The following GABRA1 variants were observed in gnomAD, a reference collection of about 807,000 sequenced individuals.
GABRA1 encodes gamma-aminobutyric acid type A receptor subunit alpha1.
Under a neutral mutation model 48.9 loss-of-function variants are expected in GABRA1, and 9 were observed. That is an observed-to-expected ratio of 0.18 (90% CI 0.11 to 0.32). The LOEUF is 0.32. GABRA1 is among the 10% of genes least tolerant of loss of function. The pLI is 1.00. For synonymous variants in GABRA1, 210 were observed against 198.7 expected, an observed-to-expected ratio of 1.06 and a Z score of -0.48; for missense variants, 285 against 553.8, an observed-to-expected ratio of 0.51 and a Z score of 4.87.
chr5:161,895,545 G>T, intron 8 of GABRA1, 121 bp from the exon 9 acceptor site: 2 of 897,140 alleles, frequency 2.2e-6, no homozygotes, highest in Non-Finnish European at 3.6e-6. Flanking sequence ...AAATAAGATG[G>T]TCTAGAAACC....
chr5:161,864,314 T>C (rs561949360), intron 3 of GABRA1, among the ~76,000 whole-genome samples: 1 of 152,086 alleles, frequency 6.6e-6, no homozygotes, highest in Non-Finnish European at 1.5e-5. Context: ...TAACTCATCA[T>C]CTAGCATTAG....
chr5:161,876,160 T>G (rs556855061), intron 6 of GABRA1, among the ~76,000 whole-genome samples: 11 of 150,478 alleles, frequency 7.3e-5, no homozygotes, highest in African/African-American at 2.7e-4. Context: ...TTAGCTGATA[T>G]GTGTGTGTAT....
At chr5:161,859,213 A>G (rs1197253010) in intron 3 of GABRA1, among the ~76,000 whole-genome samples, 1 of 151,774 alleles carries the variant, frequency 6.6e-6, no homozygotes, top group Non-Finnish European at 1.5e-5. Flanking sequence ...ACAGTAACAT[A>G]TTATTTTACA....
chr5:161,868,176 T>C (rs1447695972), intron 4 of GABRA1, among the ~76,000 whole-genome samples: 2 of 152,090 alleles, frequency 1.3e-5, no homozygotes, highest in African/African-American at 2.4e-5. Flanking sequence ...ATATTGCTAA[T>C]AATGATGATA....
At position 161,868,269 on chromosome 5, in the gene GABRA1, A is replaced by G. The variant is rs536658495; in HGVS notation, c.255+2481A>G. The stretch of plus-strand genomic sequence containing the variant: ...ATCAACCAGATTAACCCACCCAGTC[A>G]TAGGCAGTGTTGACTTTCCTTTGCT... On this transcript the variant is annotated intron_variant, in intron 4 of 9. Transcript: ENST00000393943. Among the ~76,000 whole-genome samples, 348 of 152,274 alleles carry G rather than the reference A, an allele frequency of 2.3e-3. 1 individual carries two copies. The highest frequency in any genetic ancestry group is 4.6e-3 in the Non-Finnish European group (312 of 68,010).
intron 8 of GABRA1, among the ~76,000 whole-genome samples, chr5:161,892,260 G>T (rs377514728): frequency 3.9e-5 from 6 of 152,290 alleles, no homozygotes; most frequent in African/African-American, 1.2e-4. Flanking sequence ...TTTAAGAGCT[G>T]TGCTAAAGGA....
chr5:161,874,977 T>A (rs1246965575), intron 5 of GABRA1, among the ~76,000 whole-genome samples: 1 of 152,078 alleles, frequency 6.6e-6, no homozygotes, highest in Non-Finnish European at 1.5e-5. Flanking sequence ...TTCAATTAGA[T>A]GGTGGGTTTG....
chr5:161,869,165 A>G (rs1192176966), intron 4 of GABRA1, among the ~76,000 whole-genome samples: 1 of 152,180 alleles, frequency 6.6e-6, no homozygotes, highest in African/African-American at 2.4e-5. Flanking sequence ...AGACAAAGCT[A>G]TTTTTCAAAA....
rs1055681327 is a variant in GABRA1 at position 161,857,989 on chromosome 5, A to T, written c.187+3719A>T. Among the ~76,000 whole-genome samples the T allele has an allele frequency of 8.3e-5, 8 of 96,164 alleles. No homozygotes were observed. The South Asian group carries it at 2.4e-3, about 29-fold the overall frequency. 63.1% of individuals were successfully genotyped at this position (96,164 alleles called of 152,430 possible). On this transcript the variant is annotated intron_variant, in intron 3 of 9. Transcript: ENST00000393943. ...TGGGAAGATGTGAAAGAAAAAAGTT[A>T]AAAAAAAAAGGAAAGCAAAAGAGGA...
At chr5:161,853,886 G>T (rs747938655) in intron 2 of GABRA1, among the ~76,000 whole-genome samples, 2 of 151,620 alleles carry the variant, frequency 1.3e-5, no homozygotes, top group African/African-American at 4.8e-5. Context: ...GACGTGCATT[G>T]CAACGTAATA....
chr5:161,858,969 G>A (rs755802221), intron 3 of GABRA1, among the ~76,000 whole-genome samples: 2 of 151,820 alleles, frequency 1.3e-5, no homozygotes, highest in Non-Finnish European at 2.9e-5. Context: ...AATCCTGAGA[G>A]AAGAGTGGAG....
At chr5:161,890,797 A>T (rs781730992) in intron 7 of GABRA1, 101 bp from the exon 8 acceptor site, 1 of 1,033,104 alleles carries the variant, frequency 9.7e-7, no homozygotes, top group Non-Finnish European at 1.5e-6. Context: ...TGGAGAAAGG[A>T]TGTGTCTAAT....
chr5:161,857,205 T>C (rs1362543298), intron 3 of GABRA1, among the ~76,000 whole-genome samples: 3 of 151,494 alleles, frequency 2.0e-5, no homozygotes, highest in Non-Finnish European at 4.4e-5. Context: ...GCCCACTGTC[T>C]TCTTTATTAT....
chr5:161,875,453 T>A (rs1231017790), intron 5 of GABRA1, 107 bp from the exon 6 acceptor site: 2 of 875,318 alleles, frequency 2.3e-6, no homozygotes, highest in Non-Finnish European at 3.9e-6. Flanking sequence ...CCTGCAATTA[T>A]GCCTTCTTTG....
intron 3 of GABRA1, 24 bp downstream of exon 3, chr5:161,854,294 G>A: frequency 8.1e-7 from 1 of 1,227,536 alleles, no homozygotes; most frequent in Non-Finnish European, 1.2e-6. Flanking sequence ...TTGTATTTTT[G>A]TTTTAGAGAA....
In GABRA1 at chr5:161,897,878, C is replaced by T. The variant is rs945683052; in HGVS notation, c.*456C>T. 12 of 155,782 alleles carry T rather than the reference C, an allele frequency of 7.7e-5. No homozygotes were observed. Among genetic ancestry groups the T allele is most frequent in the Admixed American group, 1.3e-4 (2 of 15,704 alleles). 9.6% of individuals were successfully genotyped at this position (155,782 alleles called of 1,614,324 possible). A position where few individuals can be genotyped will look rare whatever the true frequency, so the allele number is the denominator to read the frequency against. On this transcript the variant is annotated 3_prime_UTR_variant, in exon 10 of 10. Transcript: ENST00000393943. ...ATGAAGAAAAAATTTTAAAAATCTA[C>T]GTCTTTATTACACAAACTATGGTGT...
chr5:161,862,561 A>G (rs1757904168), intron 3 of GABRA1, among the ~76,000 whole-genome samples: 1 of 151,690 alleles, frequency 6.6e-6, no homozygotes, highest in African/African-American at 2.4e-5. Flanking sequence ...TTTTTGCATA[A>G]CTCTGTAGGT....
intron 3 of GABRA1, among the ~76,000 whole-genome samples, chr5:161,862,320 T>A (rs900128806): frequency 6.6e-6 from 1 of 151,924 alleles, no homozygotes; most frequent in Non-Finnish European, 1.5e-5. Context: ...AGGATCCAGA[T>A]ATACTGCACT....
chr5:161,883,624 T>A (rs1754712045), intron 7 of GABRA1, among the ~76,000 whole-genome samples: 1 of 152,160 alleles, frequency 6.6e-6, no homozygotes, highest in Admixed American at 6.6e-5. Flanking sequence ...CTTTCAAAAT[T>A]TAAGTTGACT....
Sources: allele counts gnomAD v4.1 joint callset (sites outside exome capture counted in the v4.1 genomes callset), GRCh38; gene constraint gnomAD v4.1.1; transcripts MANE v1.5; gene names NCBI Gene and HGNC (gene_info 2026-07-23, HGNC 2026-07-21).